Variants in TMEM117 observed in about 807,000 individuals in gnomAD.
The protein encoded by TMEM117 is transmembrane protein 117.
TMEM117 carries 27 observed loss-of-function variants against 52.4 expected under a neutral mutation model. The observed-to-expected ratio is 0.51, with a 90% CI of 0.38 to 0.71. The LOEUF is 0.71. Among genes scored for constraint, TMEM117 ranks in the 30% least tolerant of loss-of-function variants. TMEM117 has a pLI of 0.00. For synonymous variants in TMEM117, 215 were observed against 206.3 expected (o/e 1.04, Z -0.36); for missense variants, 556 against 630.5 (o/e 0.88, Z 1.26).
chr12:44,079,207 T>C (rs1399648815), intron 3 of TMEM117, among the ~76,000 whole-genome samples: 2 of 152,218 alleles, frequency 1.3e-5, no homozygotes, highest in South Asian at 2.1e-4. Flanking sequence ...GAATGATTTA[T>C]AATCCTTTGG....
Position 43,853,777 on chromosome 12 carries a change from G to A in TMEM117, c.277+8849G>A, listed in dbSNP as rs1390222746. Among the ~76,000 whole-genome samples the A allele has an allele frequency of 2.6e-5, 4 of 152,222 alleles. No individual in the cohort carries two copies. In the East Asian group the frequency reaches 7.7e-4, roughly 29 times the overall value. On this transcript the variant is annotated intron_variant, in intron 2 of 7. Coordinates refer to ENST00000266534, the MANE Select transcript of TMEM117 (RefSeq NM_032256.3). ...ATAGTATGGACTGTGAGTGCTGTGA[G>A]AATTTAGGAGAGAGGATCATAGTGG...
intron 3 of TMEM117, among the ~76,000 whole-genome samples, chr12:44,132,634 G>T (rs1017911331): frequency 2.6e-5 from 4 of 152,046 alleles, no homozygotes; most frequent in African/African-American, 9.7e-5. Flanking sequence ...GACCATCCCC[G>T]TTCCTCAACC....
At chr12:44,028,741 G>T (rs1317558201) in intron 3 of TMEM117, among the ~76,000 whole-genome samples, 1 of 152,208 alleles carries the variant, frequency 6.6e-6, no homozygotes, top group Non-Finnish European at 1.5e-5. Context: ...GGACTGCTTT[G>T]CCTACGGAGT....
At chr12:44,312,669 G>GT (rs1951005711) in intron 6 of TMEM117, among the ~76,000 whole-genome samples, 1 of 152,172 alleles carries the variant, frequency 6.6e-6, no homozygotes, top group Non-Finnish European at 1.5e-5. Context: ...TTCTGTTTAA[G>GT]TTCCTTGAGA....
intron 2 of TMEM117, among the ~76,000 whole-genome samples, chr12:43,911,682 C>T (rs1447484865): frequency 6.9e-6 from 1 of 143,970 alleles, no homozygotes; most frequent in African/African-American, 2.5e-5. Context: ...AAAAAGTGGG[C>T]AAAGGACATG....
At chr12:44,393,568 A>G (rs758684364), downstream of TMEM117, among the ~76,000 whole-genome samples, 56 of 144,082 alleles carry the variant, frequency 3.9e-4, no homozygotes, top group Non-Finnish European at 7.6e-4. Flanking sequence ...CAAAGTCAAG[A>G]TTGGAATTCA....
chr12:44,071,790 G>A (rs987142961), intron 3 of TMEM117, among the ~76,000 whole-genome samples: 3 of 152,104 alleles, frequency 2.0e-5, no homozygotes, highest in East Asian at 3.9e-4. Flanking sequence ...ATGTGTTGTG[G>A]CCTGGTTCAA....
At chr12:44,055,983 G>T (rs1947048797) in intron 3 of TMEM117, among the ~76,000 whole-genome samples, 1 of 152,056 alleles carries the variant, frequency 6.6e-6, no homozygotes, top group African/African-American at 2.4e-5. Context: ...ATCTAAGTTT[G>T]TAGCAGTTAT....
intron 6 of TMEM117, among the ~76,000 whole-genome samples, chr12:44,329,497 T>G (rs1951239225): frequency 6.6e-6 from 1 of 152,154 alleles, no homozygotes; most frequent in Non-Finnish European, 1.5e-5. Context: ...CTTCCTGTTG[T>G]GATAGTGTTG....
chr12:44,207,846 C>A (rs150278344), intron 4 of TMEM117, among the ~76,000 whole-genome samples: 54 of 151,828 alleles, frequency 3.6e-4, no homozygotes, highest in African/African-American at 1.2e-3. Context: ...GGGTTAGAAC[C>A]CAGGCAGGCT....
At chr12:44,027,289 G>A (rs2137855440) in intron 3 of TMEM117, among the ~76,000 whole-genome samples, 1 of 151,590 alleles carries the variant, frequency 6.6e-6, no homozygotes, top group South Asian at 2.1e-4. Flanking sequence ...GGGCTCAAGT[G>A]ATACCTCCCA....
At chr12:43,846,056 A>G (rs1374644068) in intron 2 of TMEM117, among the ~76,000 whole-genome samples, 2 of 151,982 alleles carry the variant, frequency 1.3e-5, no homozygotes, top group Non-Finnish European at 2.9e-5. Context: ...TTTTACACAT[A>G]TTGTTCATTC....
At chr12:44,083,979 A>C (rs749166186) in intron 3 of TMEM117, among the ~76,000 whole-genome samples, 19 of 152,214 alleles carry the variant, frequency 1.2e-4, no homozygotes, top group Admixed American at 5.2e-4. Flanking sequence ...CAAGCAAAAT[A>C]TTTTGAGCAC....
At chr12:43,989,104 G>A (rs761496248) in intron 3 of TMEM117, among the ~76,000 whole-genome samples, 1 of 152,046 alleles carries the variant, frequency 6.6e-6, no homozygotes, top group African/African-American at 2.4e-5. Context: ...CCAGTATGAG[G>A]CATTTACTGA....
intron 5 of TMEM117, among the ~76,000 whole-genome samples, chr12:44,282,340 A>G (rs1327181605): frequency 6.6e-6 from 1 of 152,182 alleles, no homozygotes; most frequent in African/African-American, 2.4e-5. Context: ...CAGAGGTTGG[A>G]ACAGTTTGGA....
Position 44,238,449 on chromosome 12 carries a change from A to T in TMEM117, c.608+27062A>T, listed in dbSNP as rs147697839. Among the ~76,000 whole-genome samples, 1,238 of 152,218 alleles carry T rather than the reference A, an allele frequency of 8.1e-3. 13 individuals are homozygous for T. The highest frequency in any genetic ancestry group is 0.028 in the African/African-American group (1,179 of 41,536). ...CATTTTTACTAAATCGAGGGATTTT[A>T]TACATATATCGCTATGAAAAAACTC... On this transcript the variant is annotated intron_variant, in intron 5 of 7. Transcript: ENST00000266534.
intron 3 of TMEM117, among the ~76,000 whole-genome samples, chr12:44,013,362 G>A (rs1946325907): frequency 2.0e-5 from 3 of 152,094 alleles, no homozygotes; most frequent in Admixed American, 2.0e-4. Context: ...GTGGCCCTGG[G>A]CTCTGAACTT....
chr12:44,354,714 A>C (rs1951620275), intron 6 of TMEM117, among the ~76,000 whole-genome samples: 1 of 152,038 alleles, frequency 6.6e-6, no homozygotes, highest in Non-Finnish European at 1.5e-5. Flanking sequence ...CCAATATCAT[A>C]CTGAATGGAC....
At chr12:44,290,700 T>G (rs2138619851) in intron 5 of TMEM117, among the ~76,000 whole-genome samples, 1 of 152,310 alleles carries the variant, frequency 6.6e-6, no homozygotes, top group South Asian at 2.1e-4. Flanking sequence ...TGCAATGGCT[T>G]AGTCATAGCT....
Sources: gnomAD v4.1 joint callset for allele counts (sites outside exome capture counted in the v4.1 genomes callset) on GRCh38, gnomAD v4.1.1 for gene constraint, MANE v1.5 for transcripts, NCBI Gene and HGNC (gene_info 2026-07-23, HGNC 2026-07-21) for gene names.